SLC7A14: variants seen among roughly 807,000 people sequenced by gnomAD.
The protein encoded by SLC7A14 is solute carrier family 7 member 14, also known as gamma-aminobutyric acid transporter SLC7A14.
A neutral mutation model predicts 60.2 loss-of-function variants in SLC7A14; 37 were observed. That is an observed-to-expected ratio of 0.61 (90% CI 0.47 to 0.81). SLC7A14 has a LOEUF of 0.81. Ranked by LOEUF, SLC7A14 falls within the 30% of genes least tolerant of loss-of-function variation. SLC7A14 has a pLI of 0.00. For missense variants in SLC7A14, 886 were observed against 982.7 expected (o/e 0.90, Z 1.32); for synonymous variants, 399 against 395.8 (o/e 1.01, Z -0.10).
intron 7 of SLC7A14, among the ~76,000 whole-genome samples, chr3:170,476,612 G>GAT (rs1711626895): frequency 6.6e-6 from 1 of 152,238 alleles, no homozygotes; most frequent in Non-Finnish European, 1.5e-5. Flanking sequence ...TTTGGCATAT[G>GAT]ATAGCCAGTC....
At chr3:170,582,864 T>C (rs1390682762) in intron 1 of SLC7A14, among the ~76,000 whole-genome samples, 1 of 152,082 alleles carries the variant, frequency 6.6e-6, no homozygotes, top group African/African-American at 2.4e-5. Context: ...TACTATGAGC[T>C]GGAAAGAGAA....
chr3:170,526,649 G>A lies in SLC7A14; in HGVS notation c.288C>T (p.Val96=), dbSNP rs1713513136. The A allele has an allele frequency of 1.2e-6, 2 of 1,614,066 alleles. No individual in the cohort carries two copies. Among genetic ancestry groups the A allele is most frequent in the Non-Finnish European group, 1.7e-6 (2 of 1,180,010 alleles). ...GVIVSFIIAA[V]ASILSGVCYA... Reference sequence around the variant, plus strand: ...GACACTTACCTGATAATATGGATGCGACGGCTGCAATGATGAAGGACACAA... The same window carrying A: ...GACACTTACCTGATAATATGGATGCAACGGCTGCAATGATGAAGGACACAA... Residue 96 remains valine, a synonymous_variant, in exon 2 of 8, where the codon GTC becomes GTT. Transcript: ENST00000231706.
intron 7 of SLC7A14, among the ~76,000 whole-genome samples, chr3:170,479,836 C>A (rs531548255): frequency 6.6e-6 from 1 of 152,328 alleles, no homozygotes; most frequent in Admixed American, 6.5e-5. Context: ...ACACCTTGTT[C>A]ATTTAAAAAT....
At chr3:170,552,803 G>C (rs1405002977) in intron 1 of SLC7A14, among the ~76,000 whole-genome samples, 2 of 152,192 alleles carry the variant, frequency 1.3e-5, no homozygotes, top group African/African-American at 4.8e-5. Context: ...AACTGTCCAG[G>C]TTATTCCTTG....
At chr3:170,493,289 G>A (rs1014423122) in intron 4 of SLC7A14, among the ~76,000 whole-genome samples, 1 of 152,212 alleles carries the variant, frequency 6.6e-6, no homozygotes, top group Non-Finnish European at 1.5e-5. Context: ...ACCTGTAAGT[G>A]AGTAAACCAT....
At chr3:170,470,336 G>GTGTGTGTGTA (rs1235912669) in intron 7 of SLC7A14, among the ~76,000 whole-genome samples, 2 of 151,128 alleles carry the variant, frequency 1.3e-5, no homozygotes, top group Admixed American at 1.3e-4. Context: ...GTGTGTGTGT[G>GTGTGTGTGTA]TGTATGTGTG....
At chr3:170,521,676 A>G (rs1713342456) in intron 2 of SLC7A14, among the ~76,000 whole-genome samples, 1 of 152,236 alleles carries the variant, frequency 6.6e-6, no homozygotes. Context: ...TAAGCCCAGC[A>G]CTTTGGGAGG....
chr3:170,489,043 T>G (rs1712131244), intron 4 of SLC7A14, among the ~76,000 whole-genome samples: 1 of 152,174 alleles, frequency 6.6e-6, no homozygotes, highest in Non-Finnish European at 1.5e-5. Context: ...AGGACACTGG[T>G]CTGGGCAAAC....
chr3:170,534,695 G>A (rs1414159416), intron 1 of SLC7A14, among the ~76,000 whole-genome samples: 2 of 151,946 alleles, frequency 1.3e-5, no homozygotes, highest in African/African-American at 4.8e-5. Context: ...CTGTAAATAG[G>A]TAAATTAAAA....
intron 4 of SLC7A14, among the ~76,000 whole-genome samples, chr3:170,492,550 T>C (rs1267357027): frequency 2.0e-5 from 3 of 152,198 alleles, no homozygotes; most frequent in Non-Finnish European, 4.4e-5. Context: ...GCTGAGATTG[T>C]TGTTTGAAGT....
intron 4 of SLC7A14, among the ~76,000 whole-genome samples, chr3:170,497,585 CCT>C (rs1254020479): frequency 6.6e-6 from 1 of 152,190 alleles, no homozygotes; most frequent in Non-Finnish European, 1.5e-5. Flanking sequence ...GGCAGACTTG[CCT>C]CTCTCGACCT....
intron 2 of SLC7A14, chr3:170,502,671 C>T (rs544297296): frequency 1.3e-5 from 2 of 152,334 alleles, no homozygotes; most frequent in Admixed American, 1.3e-4. Flanking sequence ...CAATAGTTCA[C>T]TCTTTTGTGA....
At position 170,464,793 on chromosome 3, in the gene SLC7A14, A is replaced by G. The variant is rs1312775055; in HGVS notation, c.*2262T>C. ...CCAGGCTATTGTTACTTTAATACTT[A>G]AACCTCACTAGTAAAAGGAAGCTCT... is the stretch of plus-strand genomic sequence containing the variant. On this transcript the variant is annotated 3_prime_UTR_variant, in exon 8 of 8. Transcript: ENST00000231706. 6.6e-6 allele frequency: 1 copy of G among 152,212 alleles called. No homozygotes were observed. Among genetic ancestry groups the G allele is most frequent in the Non-Finnish European group, 1.5e-5 (1 of 68,044 alleles). 9.4% of individuals were successfully genotyped at this position (152,212 alleles called of 1,614,324 possible). A position where few individuals can be genotyped will look rare whatever the true frequency, so the allele number is the denominator to read the frequency against.
chr3:170,524,746 C>A (rs1009992637), intron 2 of SLC7A14, among the ~76,000 whole-genome samples: 2 of 152,160 alleles, frequency 1.3e-5, no homozygotes, highest in African/African-American at 2.4e-5. Context: ...CAAAATTCAT[C>A]CATGTGAGTA....
At chr3:170,584,318 A>G (rs1057155440) in intron 1 of SLC7A14, among the ~76,000 whole-genome samples, 3 of 152,320 alleles carry the variant, frequency 2.0e-5, no homozygotes, top group Admixed American at 1.3e-4. Context: ...AGCTACAACC[A>G]TGAAGCCCCT....
At chr3:170,549,506 G>A (rs1004004701) in intron 1 of SLC7A14, among the ~76,000 whole-genome samples, 14 of 152,128 alleles carry the variant, frequency 9.2e-5, no homozygotes, top group Admixed American at 6.5e-5. Context: ...GAGCCACCAC[G>A]CCCAGCCTTT....
Position 170,535,451 on chromosome 3 carries a change from T to C in SLC7A14, c.-152-8363A>G, listed in dbSNP as rs1434748219. 2.0e-5 allele frequency among the ~76,000 whole-genome samples: 3 copies of C among 152,180 alleles called. No individual in the cohort carries two copies. Among genetic ancestry groups the C allele is most frequent in the Non-Finnish European group, 4.4e-5 (3 of 68,026 alleles). ...GTGTTTAGTTCAATGGTAGCTGTTATGGCCATAAAATAAATTATTGTAATC... is the reference window on the plus strand; with the variant it reads ...GTGTTTAGTTCAATGGTAGCTGTTACGGCCATAAAATAAATTATTGTAATC... On this transcript the variant is annotated intron_variant, in intron 1 of 7. Transcript: ENST00000231706. This position sits in a 1 kb window ranked among gnomAD's most constrained non-coding sequence, Gnocchi z 4.3.
intron 1 of SLC7A14, among the ~76,000 whole-genome samples, chr3:170,540,214 T>C (rs543564562): frequency 6.6e-6 from 1 of 152,320 alleles, no homozygotes; most frequent in South Asian, 2.1e-4. Context: ...TTCCATTTCA[T>C]ATTTTTGGAC....
In SLC7A14 at chr3:170,484,702, G is replaced by A. The variant is rs191571969; in HGVS notation, c.907-1180C>T. Among the ~76,000 whole-genome samples, 120 of 152,270 alleles carry A rather than the reference G, an allele frequency of 7.9e-4. 2 individuals are homozygous for A. Among genetic ancestry groups the A allele is most frequent in the Admixed American group, 6.9e-3 (105 of 15,294 alleles). On this transcript the variant is annotated intron_variant, in intron 5 of 7. Transcript: ENST00000231706. ...TGTCCTAGCAAAGCCCAGCAACCTT[G>A]TTCTTCTCATGGTGGGGGAGGGGCT...
Sources: allele counts gnomAD v4.1 joint callset (sites outside exome capture counted in the v4.1 genomes callset), GRCh38; gene constraint gnomAD v4.1.1; non-coding constraint Gnocchi (gnomAD v3.1); transcripts MANE v1.5; gene names NCBI Gene and HGNC (gene_info 2026-07-23, HGNC 2026-07-21).